CHST11: variants seen among roughly 807,000 people sequenced by gnomAD.
CHST11 encodes carbohydrate sulfotransferase 11.
CHST11 carries 9 observed loss-of-function variants against 30.4 expected under a neutral mutation model. That is an observed-to-expected ratio of 0.30 (90% CI 0.18 to 0.52). The LOEUF is 0.52. CHST11 is among the 20% of genes least tolerant of loss of function. The pLI is 0.97. For synonymous variants in CHST11, 152 were observed against 187.8 expected (o/e 0.81, Z 1.56); for missense variants, 348 against 460.6 (o/e 0.76, Z 2.24).
intron 1 of CHST11, among the ~76,000 whole-genome samples, chr12:104,516,545 A>C (rs1031095624): frequency 2.6e-5 from 4 of 152,062 alleles, no homozygotes; most frequent in African/African-American, 7.2e-5. Context: ...CTTAAGGCTT[A>C]CGAAAAGTGC....
At chr12:104,705,782 A>G (rs2040027290) in intron 2 of CHST11, among the ~76,000 whole-genome samples, 1 of 151,964 alleles carries the variant, frequency 6.6e-6, no homozygotes, top group Non-Finnish European at 1.5e-5. Context: ...TTAGCCGGTC[A>G]TAGTGGTATG....
At chr12:104,543,558 A>G (rs2038305506) in intron 1 of CHST11, among the ~76,000 whole-genome samples, 2 of 152,054 alleles carry the variant, frequency 1.3e-5, no homozygotes, top group Non-Finnish European at 2.9e-5. Context: ...ACCCCTTCCC[A>G]TCCTTCTCGT....
chr12:104,528,378 C>T lies in CHST11; in HGVS notation c.118+70849C>T, dbSNP rs183368651. Reference sequence around the variant, plus strand: ...ATCATTTCTGGCAGGGCTTGACACTCCAAAGTGATTTTTCTTCAGGTGCTC... The same window carrying T: ...ATCATTTCTGGCAGGGCTTGACACTTCAAAGTGATTTTTCTTCAGGTGCTC... On this transcript the variant is annotated intron_variant, in intron 1 of 2. Transcript: ENST00000303694. Among the ~76,000 whole-genome samples the T allele has an allele frequency of 5.2e-3, 797 of 152,300 alleles. 8 individuals are homozygous for T. The highest frequency in any genetic ancestry group is 7.5e-3 in the Non-Finnish European group (511 of 68,026).
chr12:104,553,596 A>AGAGAGAGAGAGAGAGAGT (rs2038427159), intron 1 of CHST11: 1 of 144,316 alleles, frequency 6.9e-6, no homozygotes, highest in African/African-American at 2.5e-5. Flanking sequence ...AGAGAGAGAG[A>AGAGAGAGAGAGAGAGAGT]GAGAGTGAGA....
chr12:104,537,103 A>G (rs371493602), intron 1 of CHST11, among the ~76,000 whole-genome samples: 1 of 152,334 alleles, frequency 6.6e-6, no homozygotes, highest in South Asian at 2.1e-4. Context: ...GTGTGGAACA[A>G]AAAGGGGTAG....
intron 2 of CHST11, among the ~76,000 whole-genome samples, chr12:104,707,040 G>A (rs188766718): frequency 4.6e-5 from 7 of 152,262 alleles, no homozygotes; most frequent in Admixed American, 3.3e-4. Flanking sequence ...CTCATCATCC[G>A]AGTCTCAGTG....
chr12:104,724,050 A>T (rs931744843), intron 2 of CHST11, among the ~76,000 whole-genome samples: 8 of 152,214 alleles, frequency 5.3e-5, no homozygotes, highest in African/African-American at 1.9e-4. Flanking sequence ...GTGTGATATG[A>T]TCTGACATTT....
At chr12:104,518,573 G>A (rs1426411339) in intron 1 of CHST11, among the ~76,000 whole-genome samples, 2 of 152,124 alleles carry the variant, frequency 1.3e-5, no homozygotes, top group African/African-American at 2.4e-5. Flanking sequence ...AATACACCCC[G>A]GACTTTCCCT....
chr12:104,719,777 C>A (rs2040159123), intron 2 of CHST11, among the ~76,000 whole-genome samples: 1 of 152,168 alleles, frequency 6.6e-6, no homozygotes, highest in African/African-American at 2.4e-5. Flanking sequence ...TGGCCCTGGG[C>A]ACTCAGGGAG....
intron 2 of CHST11, among the ~76,000 whole-genome samples, chr12:104,666,171 CT>C (rs1195463857): frequency 6.6e-6 from 1 of 152,032 alleles, no homozygotes; most frequent in African/African-American, 2.4e-5. Context: ...AGATTGAATA[CT>C]TTATTTAAAT....
intron 2 of CHST11, among the ~76,000 whole-genome samples, chr12:104,722,155 A>AGTGTGTGTGT (rs57545833): frequency 0.1 from 14,290 of 137,444 alleles, 930 homozygotes; most frequent in Non-Finnish European, 0.13. Context: ...CACTCAGCTA[A>AGTGTGTGTGT]GTGTGTGTGT....
At chr12:104,559,206 G>A (rs1315173578) in intron 1 of CHST11, among the ~76,000 whole-genome samples, 36 of 152,202 alleles carry the variant, frequency 2.4e-4, no homozygotes, top group Admixed American at 2.4e-3. Context: ...TCTCTAAGCT[G>A]TAAACTCAAG....
At chr12:104,573,836 G>C (rs973655489) in intron 1 of CHST11, among the ~76,000 whole-genome samples, 1 of 152,124 alleles carries the variant, frequency 6.6e-6, no homozygotes, top group African/African-American at 2.4e-5. Context: ...AAAGCAATGG[G>C]AACAGAAGCC....
At chr12:104,481,847 A>AT (rs4015333) in intron 1 of CHST11, among the ~76,000 whole-genome samples, 54,753 of 125,588 alleles carry the variant, frequency 0.44, 12,578 homozygotes, top group African/African-American at 0.63. Context: ...TTTCTCTTGC[A>AT]TTTTTTTTTT....
At chr12:104,482,701 A>G (rs997435964) in intron 1 of CHST11, among the ~76,000 whole-genome samples, 2 of 152,070 alleles carry the variant, frequency 1.3e-5, no homozygotes, top group Non-Finnish European at 2.9e-5. Context: ...AATTCTCACA[A>G]CGGCCTCATA....
chr12:104,571,709 A>G (rs1341828823), intron 1 of CHST11, among the ~76,000 whole-genome samples: 2 of 152,182 alleles, frequency 1.3e-5, no homozygotes, highest in African/African-American at 2.4e-5. Flanking sequence ...ACAGTGCAAG[A>G]TGTATTATCA....
At chr12:104,660,371 C>T (rs1229948833) in intron 2 of CHST11, among the ~76,000 whole-genome samples, 1 of 152,202 alleles carries the variant, frequency 6.6e-6, no homozygotes, top group African/African-American at 2.4e-5. Context: ...ACGGGCTTGG[C>T]GCAGGTGGGC....
chr12:104,504,803 T>C (rs1011377958), intron 1 of CHST11, among the ~76,000 whole-genome samples: 10 of 152,072 alleles, frequency 6.6e-5, no homozygotes, highest in African/African-American at 2.4e-4. Context: ...CCCATCCCCC[T>C]GTCTTGAAAA....
chr12:104,484,035 A>G (rs1240924779), intron 1 of CHST11, among the ~76,000 whole-genome samples: 2 of 152,194 alleles, frequency 1.3e-5, no homozygotes, highest in Admixed American at 6.5e-5. Flanking sequence ...CTACTGCTAC[A>G]TAGTCACCTG....
Sources: allele counts gnomAD v4.1 joint callset (sites outside exome capture counted in the v4.1 genomes callset), GRCh38; gene constraint gnomAD v4.1.1; transcripts MANE v1.5; gene names NCBI Gene and HGNC (gene_info 2026-07-23, HGNC 2026-07-21).